UST: variants seen among roughly 807,000 people sequenced by gnomAD.
UST encodes the protein uronyl 2-sulfotransferase.
A neutral mutation model predicts 45.6 loss-of-function variants in UST; 21 were observed. That is an observed-to-expected ratio of 0.46 (90% CI 0.33 to 0.66). UST has a LOEUF of 0.66. Ranked by LOEUF, UST falls within the 30% of genes least tolerant of loss-of-function variation. The pLI is 0.02. For missense variants in UST, 463 were observed against 512.4 expected, an observed-to-expected ratio of 0.90 and a Z score of 0.93; for synonymous variants, 215 against 200.6, an observed-to-expected ratio of 1.07 and a Z score of -0.61.
At chr6:148,884,807 T>C (rs1018790572) in intron 1 of UST, among the ~76,000 whole-genome samples, 1 of 151,958 alleles carries the variant, frequency 6.6e-6, no homozygotes, top group Admixed American at 6.6e-5. Context: ...TGAGAAGTGG[T>C]CAGATTTGAG....
chr6:148,937,312 G>A (rs1190965130), intron 2 of UST, among the ~76,000 whole-genome samples: 2 of 152,194 alleles, frequency 1.3e-5, no homozygotes, highest in Admixed American at 6.5e-5. Flanking sequence ...TACCGTCACT[G>A]TGAGGATGTT....
intron 7 of UST, among the ~76,000 whole-genome samples, chr6:149,056,484 G>A (rs1259260434): frequency 6.6e-6 from 1 of 152,122 alleles, no homozygotes; most frequent in Non-Finnish European, 1.5e-5. Flanking sequence ...ACTGACATTA[G>A]CTTATCAATT....
chr6:148,754,620 G>A, intron 1 of UST, among the ~76,000 whole-genome samples: 1 of 152,130 alleles, frequency 6.6e-6, no homozygotes, highest in East Asian at 1.9e-4. Flanking sequence ...GTTTGTATTT[G>A]TGTTGTTGAG....
At chr6:148,884,057 C>T (rs974125871) in intron 1 of UST, among the ~76,000 whole-genome samples, 21 of 150,374 alleles carry the variant, frequency 1.4e-4, no homozygotes, top group South Asian at 2.1e-4. Flanking sequence ...CGCTTGAACC[C>T]GGGAGACGGA....
chr6:149,007,194 A>ACTGTAAC (rs1235331158), intron 5 of UST, among the ~76,000 whole-genome samples: 3 of 130,302 alleles, frequency 2.3e-5, no homozygotes, highest in African/African-American at 9.1e-5. Context: ...GTCTTGGCTC[A>ACTGTAAC]CTGTAACCTC....
intron 1 of UST, among the ~76,000 whole-genome samples, chr6:148,850,257 C>T (rs1327522516): frequency 6.6e-6 from 1 of 152,138 alleles, no homozygotes; most frequent in Non-Finnish European, 1.5e-5. Flanking sequence ...CATAGCAGCC[C>T]ACGGTGGAGC....
At chr6:148,969,332 C>T (rs183326892) in intron 5 of UST, among the ~76,000 whole-genome samples, 3 of 152,304 alleles carry the variant, frequency 2.0e-5, no homozygotes, top group South Asian at 2.1e-4. Context: ...AAATACGTGA[C>T]GGTAAGAAAG....
At chr6:149,000,773 T>TA (rs1184676319) in intron 5 of UST, among the ~76,000 whole-genome samples, 4 of 152,176 alleles carry the variant, frequency 2.6e-5, no homozygotes, top group Admixed American at 6.5e-5. Context: ...AGGATATCTT[T>TA]AAAATAATTA....
intron 5 of UST, among the ~76,000 whole-genome samples, chr6:148,970,755 T>C (rs984001187): frequency 3.9e-5 from 6 of 152,198 alleles, no homozygotes. Context: ...TTCTCAGTTC[T>C]CTTCAGCCAT....
chr6:149,033,150 G>A (rs1476086744), intron 7 of UST, among the ~76,000 whole-genome samples: 1 of 152,180 alleles, frequency 6.6e-6, no homozygotes, highest in South Asian at 2.1e-4. Context: ...TGCTTAAATT[G>A]TCAAGGTCCC....
chr6:148,996,855 A>G (rs962486280), intron 5 of UST, among the ~76,000 whole-genome samples: 6 of 152,252 alleles, frequency 3.9e-5, no homozygotes, highest in African/African-American at 1.4e-4. Flanking sequence ...GGGAATATCA[A>G]TAAGAGAAAG....
At chr6:149,029,957 A>G (rs961995621) in intron 7 of UST, among the ~76,000 whole-genome samples, 4 of 151,702 alleles carry the variant, frequency 2.6e-5, no homozygotes, top group Non-Finnish European at 5.9e-5. Context: ...CTTATTATAT[A>G]GCACTCATAC....
intron 2 of UST, among the ~76,000 whole-genome samples, chr6:148,910,366 C>T (rs7773178): frequency 0.016 from 2,436 of 152,184 alleles, 66 homozygotes; most frequent in African/African-American, 0.055. Context: ...TCTCAAACTC[C>T]CGACCTCAGG....
chr6:148,919,903 A>G (rs560024948), intron 2 of UST, among the ~76,000 whole-genome samples: 1 of 152,372 alleles, frequency 6.6e-6, no homozygotes, highest in East Asian at 1.9e-4. Flanking sequence ...TTAAAGGCCC[A>G]TATTTACTAG....
intron 5 of UST, among the ~76,000 whole-genome samples, chr6:148,972,280 G>A (rs776991975): frequency 4.6e-5 from 7 of 152,166 alleles, no homozygotes; most frequent in Non-Finnish European, 8.8e-5. Context: ...AAGGAGAGGC[G>A]GACAGAGGAG....
intron 7 of UST, among the ~76,000 whole-genome samples, chr6:149,033,989 A>G (rs1453325123): frequency 6.6e-6 from 1 of 152,166 alleles, no homozygotes; most frequent in Non-Finnish European, 1.5e-5. Flanking sequence ...TGTAACTAGT[A>G]TGCACAGGCT....
chr6:148,851,289 A>G (rs760425751), intron 1 of UST, among the ~76,000 whole-genome samples: 2 of 152,222 alleles, frequency 1.3e-5, no homozygotes, highest in Non-Finnish European at 2.9e-5. Flanking sequence ...ACACACACAT[A>G]TATATACGTA....
intron 1 of UST, among the ~76,000 whole-genome samples, chr6:148,797,956 T>C (rs1246143660): frequency 6.6e-6 from 1 of 151,892 alleles, no homozygotes; most frequent in East Asian, 1.9e-4. Context: ...CATTAAGGGG[T>C]TGGGAGTTTG....
intron 4 of UST, among the ~76,000 whole-genome samples, chr6:148,960,638 G>C (rs1251074498): frequency 1.3e-5 from 2 of 152,214 alleles, no homozygotes; most frequent in Non-Finnish European, 2.9e-5. Flanking sequence ...GGGTGATAAT[G>C]ATGACTTCAC....
Sources: gnomAD v4.1 joint callset for allele counts (sites outside exome capture counted in the v4.1 genomes callset) on GRCh38, gnomAD v4.1.1 for gene constraint, MANE v1.5 for transcripts, NCBI Gene and HGNC (gene_info 2026-07-23, HGNC 2026-07-21) for gene names.